Variants in SRA1 observed in about 807,000 individuals in gnomAD.
The protein encoded by SRA1 is steroid receptor RNA activator 1, also known as lncRNA SRA.
A neutral mutation model predicts 24.3 loss-of-function variants in SRA1; 25 were observed. That is an observed-to-expected ratio of 1.03 (90% CI 0.75 to 1.43). The LOEUF (loss-of-function observed/expected upper bound fraction) is 1.43, where lower values mean the gene tolerates loss of function less well. Among genes scored for constraint, SRA1 ranks in the 40% most tolerant of loss-of-function variants. The pLI is 0.00. For synonymous variants in SRA1, 104 were observed against 109.5 expected (o/e 0.95, Z 0.31); for missense variants, 303 against 286.6 (o/e 1.06, Z -0.41).
At chr5:140,557,801 T>C (rs931524680), upstream of SRA1, 3 of 444,020 alleles carry the variant, frequency 6.8e-6, no homozygotes, top group African/African-American at 6.2e-5. Flanking sequence ...TACAGCCTCC[T>C]CTTGCATTGC....
Position 140,550,870 on chromosome 5 carries a change from G to A in SRA1, c.505C>T (p.Arg169Cys), listed in dbSNP as rs769561984. 7.4e-6 allele frequency: 12 copies of A among 1,614,092 alleles called. No homozygotes were observed. Among genetic ancestry groups the A allele is most frequent in the Middle Eastern group, 1.7e-4 (1 of 6,060 alleles). Residue 169 changes from arginine (R) to cysteine (C), a missense_variant, in exon 5 of 5, where the codon CGC (arginine) becomes TGC (cysteine). Transcript: ENST00000336283. ...HRWDAADDIH[R>C]SLMVDHVTEV... ...GTCACATGGTCAACCATGAGGGAGC[G>A]GTGGATGTCATCTGCTGCGTCCCAC... is the stretch of plus-strand genomic sequence containing the variant.
At chr5:140,557,821 T>C, upstream of SRA1, 3 of 370,136 alleles carry the variant, frequency 8.1e-6, no homozygotes, top group Non-Finnish European at 1.5e-5. Context: ...CCCTGCACAA[T>C]CTCCACATTC....
At chr5:140,555,063 G>A (rs1366504166) in intron 2 of SRA1, among the ~76,000 whole-genome samples, 1 of 151,852 alleles carries the variant, frequency 6.6e-6, no homozygotes, top group East Asian at 1.9e-4. Context: ...ATTTTTAGTA[G>A]AGACAGGGTT....
At chr5:140,557,511 G>C (rs1399840955), upstream of SRA1, 2 of 1,532,038 alleles carry the variant, frequency 1.3e-6, no homozygotes, top group Non-Finnish European at 1.8e-6. Context: ...CCCTCACGCG[G>C]GCCAGTTGAG....
intron 2 of SRA1, among the ~76,000 whole-genome samples, chr5:140,556,939 G>A (rs534009400): frequency 6.6e-6 from 1 of 152,296 alleles, no homozygotes; most frequent in South Asian, 2.1e-4. Context: ...TGAAAAAATA[G>A]TCTTTTTAAA....
intron 3 of SRA1, 179 bp from the exon 4 acceptor site, chr5:140,551,348 G>A (rs1306346570): frequency 8.8e-6 from 5 of 570,506 alleles, no homozygotes; most frequent in Non-Finnish European, 1.6e-5. Flanking sequence ...TTTCCCTGCT[G>A]TCTTCTTCTG....
chr5:140,557,949 G>A (rs1303379640), upstream of SRA1: 1 of 184,148 alleles, frequency 5.4e-6, no homozygotes, highest in Non-Finnish European at 1.1e-5. Flanking sequence ...GAGCTCCCAC[G>A]ACCCTACAAC....
intron 3 of SRA1, chr5:140,551,552 A>G (rs755948355): frequency 4.2e-5 from 9 of 216,492 alleles, no homozygotes; most frequent in Non-Finnish European, 7.3e-5. Context: ...AGGTGAAATG[A>G]CCATGCTACT....
intron 3 of SRA1, chr5:140,551,738 A>C (rs565512472): frequency 4.7e-6 from 2 of 423,066 alleles, no homozygotes; most frequent in Non-Finnish European, 4.2e-6. Context: ...GTTCACTAAT[A>C]GGAGCTGAAT....
upstream of SRA1, chr5:140,557,538 G>A: frequency 6.8e-7 from 1 of 1,472,012 alleles, no homozygotes; most frequent in South Asian, 1.3e-5. Flanking sequence ...CCAGGGCCAG[G>A]CGGGTTGCCG....
rs1043680639 is a variant in SRA1 at position 140,550,516 on chromosome 5, A to T, written c.*184T>A. The stretch of plus-strand genomic sequence containing the variant: ...CTCCTACCCAAGGCCCACCGCAGAG[A>T]TGTTTTTATTGAAATGCATGTTATG... On this transcript the variant is annotated 3_prime_UTR_variant, in exon 5 of 5. Coordinates refer to ENST00000336283, the MANE Select transcript of SRA1 (RefSeq NM_001035235.4). The T allele has an allele frequency of 1.2e-4, 76 of 631,838 alleles. No individual in the cohort carries two copies. In the East Asian group the frequency reaches 2.0e-3, roughly 17 times the overall value. 39.1% of individuals were successfully genotyped at this position (631,838 alleles called of 1,614,324 possible). A position where few individuals can be genotyped will look rare whatever the true frequency, so the allele number is the denominator to read the frequency against.
intron 2 of SRA1, among the ~76,000 whole-genome samples, chr5:140,556,212 T>A (rs1199456656): frequency 2.0e-5 from 3 of 152,152 alleles, no homozygotes. Flanking sequence ...AAGCCTTGTA[T>A]CATTCTTCTA....
At chr5:140,557,310 TC>T in intron 1 of SRA1, 38 bp from the exon 2 acceptor site, 1 of 1,607,258 alleles carries the variant, frequency 6.2e-7, no homozygotes, top group African/African-American at 1.3e-5. Flanking sequence ...AGCCCGGAAC[TC>T]CACTGTTAGC....
In SRA1 at chr5:140,551,840, C is replaced by T. The variant is rs1327003705; in HGVS notation, c.354+142G>A. On this transcript the variant is annotated intron_variant, in intron 3 of 4. Transcript: ENST00000336283. ...TCCTGTGTTCATTTCTTTGGGAAGG[C>T]CTTAGCAGATTCTGAAGGAGTCCGT... 97 of 676,002 alleles carry T rather than the reference C, an allele frequency of 1.4e-4. No homozygotes were observed. The East Asian group carries it at 2.7e-3, about 19-fold the overall frequency. The allele number at this position is 676,002 out of a possible 1,614,324, so 41.9% of individuals were successfully genotyped here. A position where few individuals can be genotyped will look rare whatever the true frequency, so the allele number is the denominator to read the frequency against.
chr5:140,551,143 T>C lies in SRA1; in HGVS notation c.381A>G (p.Arg127=). The change falls in exon 4 of 5, where the codon CGA becomes CGG. Residue 127 remains arginine (R), a synonymous_variant. Transcript: ENST00000336283. The stretch of plus-strand genomic sequence containing the variant: ...ACTGTTCCTGCAGCAGTGCCAGGCG[T>C]CGGCTGATGTCATCACATACCTGCT... The part of the protein sequence containing the change: ...TRKQVCDDIS[R]RLALLQEQWA... 1 of 1,614,180 alleles carries C rather than the reference T, an allele frequency of 6.2e-7. No individual in the cohort carries two copies. Among genetic ancestry groups the C allele is most frequent in the Non-Finnish European group, 8.5e-7 (1 of 1,180,026 alleles).
At chr5:140,557,328 T>TA in intron 1 of SRA1, 56 bp from the exon 2 acceptor site, 1 of 1,605,142 alleles carries the variant, frequency 6.2e-7, no homozygotes, top group East Asian at 2.2e-5. Flanking sequence ...TAGCTTATAC[T>TA]GGGGCTGGGG....
chr5:140,550,627 A>G lies in SRA1; in HGVS notation c.*73T>C, dbSNP rs920736716. ...CCAGTGGGACAGTCTTGGTGGTGGT[A>G]AGAAGGGAGCCAAGTGACAGAAGGT... On this transcript the variant is annotated 3_prime_UTR_variant, in exon 5 of 5. Transcript: ENST00000336283. 9.5e-6 allele frequency: 14 copies of G among 1,467,592 alleles called. No individual in the cohort carries two copies. Among genetic ancestry groups the G allele is most frequent in the East Asian group, 2.3e-5 (1 of 44,186 alleles). The allele number at this position is 1,467,592 out of a possible 1,614,324, so 90.9% of individuals were successfully genotyped here.
chr5:140,557,034 TTC>T (rs930516629), intron 2 of SRA1, 111 bp downstream of exon 2: 2 of 1,009,484 alleles, frequency 2.0e-6, no homozygotes, highest in Non-Finnish European at 2.9e-6. Context: ...GCCCCAAAAC[TTC>T]TCTCCTTAAG....
intron 2 of SRA1, among the ~76,000 whole-genome samples, chr5:140,556,325 G>A (rs569751806): frequency 6.6e-6 from 1 of 152,238 alleles, no homozygotes; most frequent in East Asian, 1.9e-4. Flanking sequence ...GAAAATTCTC[G>A]GGGGGAAAGG....
Sources: gnomAD v4.1 joint callset for allele counts (sites outside exome capture counted in the v4.1 genomes callset) on GRCh38, gnomAD v4.1.1 for gene constraint, MANE v1.5 for transcripts, NCBI Gene and HGNC (gene_info 2026-07-23, HGNC 2026-07-21) for gene names.